Variants in SYT1 observed in about 807,000 individuals in gnomAD.
SYT1 encodes the protein synaptotagmin-1.
SYT1 carries 8 observed loss-of-function variants against 44.8 expected under a neutral mutation model. The ratio of observed to expected loss-of-function variants is 0.18; its 90% CI spans 0.10 to 0.32. The LOEUF is 0.32. Among genes scored for constraint, SYT1 ranks in the 10% least tolerant of loss-of-function variants. The pLI, the probability that SYT1 is intolerant of heterozygous loss-of-function variation, is 1.00. For synonymous variants in SYT1, 154 were observed against 188.8 expected, an observed-to-expected ratio of 0.82 and a Z score of 1.51; for missense variants, 286 against 509.3, an observed-to-expected ratio of 0.56 and a Z score of 4.22.
intron 1 of SYT1, among the ~76,000 whole-genome samples, chr12:78,903,965 A>G (rs1292171161): frequency 1.3e-5 from 2 of 151,964 alleles, no homozygotes; most frequent in Non-Finnish European, 2.9e-5. Context: ...AAAGAATCAC[A>G]GTTGAATCTG....
At position 79,292,138 on chromosome 12, in the gene SYT1, G is replaced by A; in HGVS notation, c.474+8G>A. On this transcript the variant is annotated splice_region_variant and intron_variant, in intron 6 of 10. Coordinates refer to ENST00000261205, the MANE Select transcript of SYT1 (RefSeq NM_005639.3). ...GATTTCCAAAATAACCAGGTCTGAAGTGGAGAAATGTCTTCTAATTCCATT... is the reference window on the plus strand; with the variant it reads ...GATTTCCAAAATAACCAGGTCTGAAATGGAGAAATGTCTTCTAATTCCATT... The A allele has an allele frequency of 6.8e-6, 11 of 1,608,164 alleles. No homozygotes were observed. Among genetic ancestry groups the A allele is most frequent in the Non-Finnish European group, 8.5e-6 (10 of 1,178,414 alleles).
intron 4 of SYT1, among the ~76,000 whole-genome samples, chr12:79,259,498 CAA>C (rs1318092091): frequency 6.6e-6 from 1 of 152,158 alleles, no homozygotes; most frequent in Non-Finnish European, 1.5e-5. Context: ...CTTTAGGAAG[CAA>C]AGACTGGAGA....
chr12:78,997,562 T>C (rs1486896106), intron 2 of SYT1, among the ~76,000 whole-genome samples: 1 of 152,190 alleles, frequency 6.6e-6, no homozygotes, highest in Admixed American at 6.5e-5. Flanking sequence ...TTATAAGTGA[T>C]ACTTGAGGAG....
chr12:78,943,667 G>A (rs192746903), intron 1 of SYT1, among the ~76,000 whole-genome samples: 70 of 152,162 alleles, frequency 4.6e-4, no homozygotes, highest in Non-Finnish European at 3.4e-4. Flanking sequence ...AGCCTATGTC[G>A]AATACTAAAA....
chr12:79,419,578 G>T (rs1868975799), intron 9 of SYT1, among the ~76,000 whole-genome samples: 1 of 152,108 alleles, frequency 6.6e-6, no homozygotes, highest in Non-Finnish European at 1.5e-5. Flanking sequence ...CATGGCAAGT[G>T]CTTCATACAT....
chr12:79,446,035 T>TATATATATA (rs1870719742), intron 10 of SYT1, among the ~76,000 whole-genome samples: 2 of 73,506 alleles, frequency 2.7e-5, no homozygotes, highest in African/African-American at 4.5e-5. Context: ...ATATATATAT[T>TATATATATA]ATGCCTAGGT....
At chr12:79,041,827 A>T (rs1211972880) in intron 2 of SYT1, among the ~76,000 whole-genome samples, 1 of 151,984 alleles carries the variant, frequency 6.6e-6, no homozygotes, top group East Asian at 1.9e-4. Context: ...GAGAGTTTTT[A>T]GCATGAAGGG....
At chr12:79,111,537 T>A (rs1879010880) in intron 3 of SYT1, among the ~76,000 whole-genome samples, 1 of 152,026 alleles carries the variant, frequency 6.6e-6, no homozygotes, top group African/African-American at 2.4e-5. Context: ...ACTATCACGA[T>A]GCCTCCCACA....
intron 3 of SYT1, among the ~76,000 whole-genome samples, chr12:79,172,393 A>G (rs1045335115): frequency 1.6e-4 from 24 of 152,164 alleles, no homozygotes; most frequent in African/African-American, 5.5e-4. Flanking sequence ...GACACAGAGT[A>G]AAATTATAGT....
chr12:79,374,174 A>G (rs1257416499), intron 9 of SYT1, among the ~76,000 whole-genome samples: 1 of 152,178 alleles, frequency 6.6e-6, no homozygotes, highest in African/African-American at 2.4e-5. Flanking sequence ...ATCAGACCTC[A>G]GTAAATTTCC....
At chr12:78,923,490 C>T (rs1049016128) in intron 1 of SYT1, among the ~76,000 whole-genome samples, 1 of 151,860 alleles carries the variant, frequency 6.6e-6, no homozygotes, top group Non-Finnish European at 1.5e-5. Context: ...TAGTATGTTA[C>T]TCTGAGTTTA....
intron 1 of SYT1, among the ~76,000 whole-genome samples, chr12:78,943,450 T>C (rs1227723810): frequency 6.6e-6 from 1 of 152,124 alleles, no homozygotes; most frequent in Non-Finnish European, 1.5e-5. Context: ...CACAAGCTTC[T>C]AAACAAATAG....
rs1326910414 is a variant in SYT1, at chr12:79,369,643, A to G, written c.928+16024A>G. Among the ~76,000 whole-genome samples, 4 of 152,248 alleles carry G rather than the reference A, an allele frequency of 2.6e-5. No homozygotes were observed. In the East Asian group the frequency reaches 7.7e-4, roughly 29 times the overall value. On this transcript the variant is annotated intron_variant, in intron 9 of 10. Transcript: ENST00000261205. ...GTGTAAGTTTAGCCCAAAGCTAAAG[A>G]GAAAGATACTATTCTCAAGCCAAAT...
At chr12:79,143,102 A>G (rs1419333380) in intron 3 of SYT1, among the ~76,000 whole-genome samples, 1 of 152,200 alleles carries the variant, frequency 6.6e-6, no homozygotes, top group Admixed American at 6.5e-5. Context: ...ATAGAGAGCA[A>G]TATACAGTTT....
At chr12:79,143,114 C>T (rs571761086) in intron 3 of SYT1, among the ~76,000 whole-genome samples, 199 of 152,206 alleles carry the variant, frequency 1.3e-3, no homozygotes, top group Non-Finnish European at 1.8e-3. Flanking sequence ...ATACAGTTTT[C>T]TCTGATGATA....
chr12:79,395,307 C>T (rs546250289), intron 9 of SYT1, among the ~76,000 whole-genome samples: 52 of 152,276 alleles, frequency 3.4e-4, no homozygotes, highest in African/African-American at 1.2e-3. Context: ...CAACCTCTGC[C>T]TCCCAGATTC....
intron 1 of SYT1, among the ~76,000 whole-genome samples, chr12:78,953,550 T>C (rs1331753593): frequency 6.6e-6 from 1 of 152,100 alleles, no homozygotes; most frequent in Non-Finnish European, 1.5e-5. Context: ...TTTGAGGTAT[T>C]ATTGTCTTGA....
At chr12:79,387,558 A>G (rs1884484655) in intron 9 of SYT1, among the ~76,000 whole-genome samples, 1 of 152,228 alleles carries the variant, frequency 6.6e-6, no homozygotes, top group Non-Finnish European at 1.5e-5. Context: ...CATCAAATGA[A>G]ATCACTGTAA....
chr12:79,391,317 A>G (rs1474309445), intron 9 of SYT1, among the ~76,000 whole-genome samples: 1 of 152,184 alleles, frequency 6.6e-6, no homozygotes, highest in Non-Finnish European at 1.5e-5. Flanking sequence ...GTCCTGAAGA[A>G]TCACTTTTTA....
Sources: allele counts gnomAD v4.1 joint callset (sites outside exome capture counted in the v4.1 genomes callset), GRCh38; gene constraint gnomAD v4.1.1; transcripts MANE v1.5; gene names NCBI Gene and HGNC (gene_info 2026-07-23, HGNC 2026-07-21).